MYT1: variants seen among roughly 807,000 people sequenced by gnomAD.
The protein encoded by MYT1 is myelin transcription factor 1, also known as myelin transcription factor I.
MYT1 carries 23 observed loss-of-function variants against 123.0 expected under a neutral mutation model. The ratio of observed to expected loss-of-function variants is 0.19; its 90% CI spans 0.13 to 0.26. The LOEUF is 0.26. Among genes scored for constraint, MYT1 ranks in the 10% least tolerant of loss-of-function variants. The probability of loss-of-function intolerance (pLI) is 1.00; values close to 1 mark genes in which losing one functional copy is unlikely to be tolerated. For missense variants in MYT1, 1,125 were observed against 1,472.5 expected, an observed-to-expected ratio of 0.76 and a Z score of 3.86; for synonymous variants, 518 against 575.3, an observed-to-expected ratio of 0.90 and a Z score of 1.43.
At chr20:64,227,340 C>G (rs2273446) in intron 16 of MYT1, 75 bp from the exon 17 acceptor site, 224,740 of 1,437,934 alleles carry the variant, frequency 0.16, 18,448 homozygotes, top group Non-Finnish European at 0.17. Context: ...AGGCTTTCCT[C>G]TGGGGGTCCC....
chr20:64,179,942 C>T (rs1288368128), intron 1 of MYT1, among the ~76,000 whole-genome samples: 1 of 20,328 alleles, frequency 4.9e-5, no homozygotes. Flanking sequence ...GCTACACACA[C>T]AGTTACACAT....
intron 1 of MYT1, among the ~76,000 whole-genome samples, chr20:64,170,900 G>T (rs1411017265): frequency 2.4e-3 from 257 of 108,288 alleles, no homozygotes; most frequent in African/African-American, 4.3e-3. Flanking sequence ...GAGAGAGAGA[G>T]AGAGAGAGAG....
At chr20:64,200,023 ACCCCTGGTGAG>A (rs754044323) in intron 4 of MYT1, 101 bp downstream of exon 4, 48 of 1,389,398 alleles carry the variant, frequency 3.5e-5, no homozygotes, top group Non-Finnish European at 4.7e-5. Context: ...TTGACCAAAC[ACCCCTGGTGAG>A]CCCCTGCTTT....
intron 1 of MYT1, among the ~76,000 whole-genome samples, chr20:64,172,904 T>C (rs1982329950): frequency 6.6e-6 from 1 of 152,004 alleles, no homozygotes; most frequent in South Asian, 2.1e-4. Flanking sequence ...AATTTTTGTA[T>C]CTTTAGTAGA....
At chr20:64,197,502 C>T (rs929357937) in intron 2 of MYT1, among the ~76,000 whole-genome samples, 2 of 152,222 alleles carry the variant, frequency 1.3e-5, no homozygotes, top group Non-Finnish European at 2.9e-5. Flanking sequence ...GCCCTGGCAG[C>T]TCTGGTGTCT....
At position 64,167,043 on chromosome 20, in the gene MYT1, G is replaced by A. The variant is rs977382268; in HGVS notation, c.-99+2304G>A. ...ACTGAATGTGCAGACAATGACATTT[G>A]TGGTGGTGTGGTGGGTAGAGGAGAC... On this transcript the variant is annotated intron_variant, in intron 1 of 22. Coordinates refer to ENST00000328439, the MANE Select transcript of MYT1 (RefSeq NM_004535.3). The surrounding 1 kb of genome is among the most constrained non-coding windows in gnomAD (Gnocchi z 6.3). 6.6e-6 allele frequency among the ~76,000 whole-genome samples: 1 copy of A among 152,148 alleles called. No individual in the cohort carries two copies. Among genetic ancestry groups the A allele is most frequent in the African/African-American group, 2.4e-5 (1 of 41,432 alleles).
rs148596940 is a variant in MYT1 at position 64,231,580 on chromosome 20, A to G, written c.2676-584A>G. Among the ~76,000 whole-genome samples, 387 of 152,366 alleles carry G rather than the reference A, an allele frequency of 2.5e-3. 2 individuals are homozygous for G. The highest frequency in any genetic ancestry group is 9.0e-3 in the African/African-American group (373 of 41,596). ...AGGTCTGCGTTCTTCCTTCTAGAACATAGATCTCAGTGGTGGCAAAGCTGC... is the reference window on the plus strand; with the variant it reads ...AGGTCTGCGTTCTTCCTTCTAGAACGTAGATCTCAGTGGTGGCAAAGCTGC... On this transcript the variant is annotated intron_variant, in intron 18 of 22. Transcript: ENST00000328439. The surrounding 1 kb of genome is among the most constrained non-coding windows in gnomAD (Gnocchi z 6.4).
chr20:64,236,473 G>GGGCTGGGCGT (rs1984551697), intron 19 of MYT1, 82 bp from the exon 20 acceptor site: 1 of 1,102,380 alleles, frequency 9.1e-7, no homozygotes, highest in Non-Finnish European at 1.4e-6. Context: ...ATGTGACCCT[G>GGGCTGGGCGT]GGCTGGCCGT....
rs759538553 is a variant in MYT1, at chr20:64,232,190, T to A, written c.2702T>A (p.Leu901His). ...MKCPVPGCVG[L>H]GHISGKYASH... ...TGCCCAGTTCCAGGCTGTGTGGGGC[T>A]CGGTCACATCAGCGGGAAATACGCC... The change falls in exon 19 of 23, where the codon CTC (leucine) becomes CAC (histidine). Residue 901 changes from leucine (L) to histidine (H), a missense_variant. Around this residue, in one of 4 missense-constraint regions of MYT1, gnomAD observed 243 missense variants for 323.1 expected, o/e 0.75. Coordinates refer to ENST00000328439, the MANE Select transcript of MYT1 (RefSeq NM_004535.3). This position sits in a 1 kb window ranked among gnomAD's most constrained non-coding sequence, Gnocchi z 6.9. 1 of 1,613,034 alleles carries A rather than the reference T, an allele frequency of 6.2e-7. No homozygotes were observed. Among genetic ancestry groups the A allele is most frequent in the Non-Finnish European group, 8.5e-7 (1 of 1,179,976 alleles).
At chr20:64,237,538 C>G in intron 21 of MYT1, 148 bp downstream of exon 21, 1 of 642,806 alleles carries the variant, frequency 1.6e-6, no homozygotes, top group Non-Finnish European at 2.7e-6. Context: ...CACAGGCACA[C>G]TTAGGACGTG....
At chr20:64,173,663 T>C (rs1286548030) in intron 1 of MYT1, among the ~76,000 whole-genome samples, 16 of 147,078 alleles carry the variant, frequency 1.1e-4, no homozygotes, top group East Asian at 1.0e-3. Flanking sequence ...TGTGTCCATT[T>C]CCCCTCCCTG....
intron 3 of MYT1, among the ~76,000 whole-genome samples, chr20:64,199,434 A>G (rs1601709652): frequency 2.0e-5 from 3 of 152,272 alleles, no homozygotes; most frequent in Middle Eastern, 3.4e-3. Flanking sequence ...CCCCGGTCAG[A>G]GCCCCGTGCA....
intron 1 of MYT1, among the ~76,000 whole-genome samples, chr20:64,184,060 T>C (rs1982729720): frequency 6.6e-6 from 1 of 152,138 alleles, no homozygotes; most frequent in Non-Finnish European, 1.5e-5. Context: ...CCTCAAGTGA[T>C]CTGCTTGCCT....
In MYT1 at chr20:64,218,509, G is replaced by A. The variant is rs1983905095; in HGVS notation, c.1847-402G>A. Among the ~76,000 whole-genome samples, 1 of 152,174 alleles carries A rather than the reference G, an allele frequency of 6.6e-6. No individual in the cohort carries two copies. The highest frequency in any genetic ancestry group is 2.4e-5 in the African/African-American group (1 of 41,428). The stretch of plus-strand genomic sequence containing the variant: ...CAAACACTCATCCTATTCACAGAAT[G>A]CTTCAGTTTCTGATAGACAAGTTAT... On this transcript the variant is annotated intron_variant, in intron 11 of 22. Transcript: ENST00000328439. The surrounding 1 kb of genome is among the most constrained non-coding windows in gnomAD (Gnocchi z 4.0).
intron 19 of MYT1, among the ~76,000 whole-genome samples, chr20:64,235,809 T>G (rs186915404): frequency 1.9e-5 from 1 of 52,586 alleles, no homozygotes; most frequent in African/African-American, 1.3e-4. Flanking sequence ...CTGGGCTGGC[T>G]GTGGTGGGTG....
chr20:64,180,273 C>T (rs1982614093), intron 1 of MYT1, among the ~76,000 whole-genome samples: 1 of 152,224 alleles, frequency 6.6e-6, no homozygotes, highest in Non-Finnish European at 1.5e-5. Context: ...TTTACTTCTC[C>T]ATCTATCGAT....
At chr20:64,217,317 T>C (rs756393968) in intron 11 of MYT1, 36 bp downstream of exon 11, 58 of 1,607,454 alleles carry the variant, frequency 3.6e-5, no homozygotes, top group Non-Finnish European at 4.5e-5. Flanking sequence ...TTCTCTTCTG[T>C]GTTGCTCCTG....
intron 19 of MYT1, among the ~76,000 whole-genome samples, chr20:64,235,815 G>C (rs1984512915): frequency 2.6e-5 from 3 of 114,986 alleles, no homozygotes; most frequent in African/African-American, 8.7e-5. Context: ...TGGCTGTGGT[G>C]GGTGACACTG....
intron 2 of MYT1, among the ~76,000 whole-genome samples, chr20:64,194,080 CATTT>C (rs1983038573): frequency 6.6e-6 from 1 of 152,182 alleles, no homozygotes; most frequent in Non-Finnish European, 1.5e-5. Context: ...TGACTGTCCC[CATTT>C]ATTCATTCAT....
Sources: gnomAD v4.1 joint callset for allele counts (sites outside exome capture counted in the v4.1 genomes callset) on GRCh38, gnomAD v4.1.1 for gene constraint, gnomAD v4.1.1 regional missense constraint, Gnocchi (gnomAD v3.1) non-coding constraint, MANE v1.5 for transcripts, NCBI Gene and HGNC (gene_info 2026-07-23, HGNC 2026-07-21) for gene names.